The following TRAP1 variants were observed in gnomAD, a reference collection of about 807,000 sequenced individuals.
TRAP1 encodes the protein TNF receptor associated protein 1, also known as heat shock protein 75 kDa, mitochondrial.
In TRAP1, 102 loss-of-function variants were observed where a neutral mutation model predicts 89.1. The ratio of observed to expected loss-of-function variants is 1.15; its 90% CI spans 0.98 to 1.35. TRAP1 has a LOEUF of 1.35. TRAP1 is among the 40% of genes most tolerant of loss of function. The pLI is 0.00. For missense variants in TRAP1, 1,256 were observed against 945.3 expected (o/e 1.33, Z -4.31); for synonymous variants, 508 against 388.0 (o/e 1.31, Z -3.64).
At position 3,697,789 on chromosome 16, in the gene TRAP1, AT is replaced by A. The variant is rs796150055; in HGVS notation, c.89-6805del. 9.7e-3 allele frequency among the ~76,000 whole-genome samples: 1,397 copies of A among 144,024 alleles called. 14 individuals are homozygous for A. Among genetic ancestry groups the A allele is most frequent in the African/African-American group, 0.026 (1,033 of 39,578 alleles). The allele number at this position is 144,024 out of a possible 152,430, so 94.5% of individuals were successfully genotyped here. A position where few individuals can be genotyped will look rare whatever the true frequency, so the allele number is the denominator to read the frequency against. On this transcript the variant is annotated intron_variant, in intron 1 of 17. Transcript: ENST00000246957. ...GGTTTTTCCCCAATTAATATGCAGA[AT>A]TTTTTTTTTTTTTCCTCGAGAAGGT...
chr16:3,684,261 G>A (rs77388305), intron 4 of TRAP1, among the ~76,000 whole-genome samples: 3 of 152,092 alleles, frequency 2.0e-5, no homozygotes, highest in Non-Finnish European at 4.4e-5. Context: ...TTTGCCACCG[G>A]AATGATACTG....
intron 1 of TRAP1, among the ~76,000 whole-genome samples, chr16:3,693,402 AATCCCGGGAC>A (rs138503994): frequency 0.24 from 25,663 of 108,438 alleles, 2,481 homozygotes; most frequent in South Asian, 0.44. Flanking sequence ...AAAAAAAAAA[AATCCCGGGAC>A]ATTTCTTCTG....
At position 3,677,620 on chromosome 16, in the gene TRAP1, G is replaced by A; in HGVS notation, c.582C>T (p.Ser194=). The A allele has an allele frequency of 6.2e-7, 1 of 1,614,104 alleles. No homozygotes were observed. Among genetic ancestry groups the A allele is most frequent in the Middle Eastern group, 1.6e-4 (1 of 6,062 alleles). ...LDALQNQAEA[S]SKIIGQFGVG... The stretch of plus-strand genomic sequence containing the variant: ...CTCCAAACTGGCCGATGATCTTGCT[G>A]CTGGCCTCAGCCTGGTTCTGCAGAG... The change falls in exon 6 of 18, where the codon AGC becomes AGT. Residue 194 remains serine, a synonymous_variant. Coordinates refer to ENST00000246957, the MANE Select transcript of TRAP1 (RefSeq NM_016292.3).
rs536685259 is a variant in TRAP1, at chr16:3,703,573, C to G, written c.89-12588G>C. On this transcript the variant is annotated intron_variant, in intron 1 of 17. Transcript: ENST00000246957. ...AGATCTCTGCAAGGACACCCAAAAA[C>G]TGGCTAATGGACTTGCCACCAGGAG... Among the ~76,000 whole-genome samples, 9 of 152,108 alleles carry G rather than the reference C, an allele frequency of 5.9e-5. No homozygotes were observed. In the East Asian group the frequency reaches 1.4e-3, roughly 23 times the overall value.
chr16:3,714,446 G>T (rs2051571117), intron 1 of TRAP1, among the ~76,000 whole-genome samples: 1 of 152,168 alleles, frequency 6.6e-6, no homozygotes, highest in African/African-American at 2.4e-5. Context: ...GGATCATGAG[G>T]TCAGGAGTTC....
At chr16:3,665,777 G>A (rs2050817157) in intron 12 of TRAP1, among the ~76,000 whole-genome samples, 194 bp downstream of exon 12, 3 of 152,334 alleles carry the variant, frequency 2.0e-5, no homozygotes, top group South Asian at 4.1e-4. Context: ...ACTGGTGGGA[G>A]GGTAAGGATG....
intron 5 of TRAP1, chr16:3,678,575 C>T (rs184083144): frequency 2.2e-4 from 34 of 152,164 alleles, no homozygotes; most frequent in Non-Finnish European, 4.3e-4. Context: ...GTGATTCTCC[C>T]GCCTCAGCCT....
intron 1 of TRAP1, among the ~76,000 whole-genome samples, chr16:3,695,518 A>C (rs2051274260): frequency 5.3e-5 from 8 of 149,636 alleles, no homozygotes; most frequent in Admixed American, 5.3e-4. Flanking sequence ...ACTTGGCGAC[A>C]GAGTGAGACT....
intron 2 of TRAP1, 62 bp from the exon 3 acceptor site, chr16:3,689,199 C>G: frequency 7.3e-7 from 1 of 1,364,856 alleles, no homozygotes; most frequent in Non-Finnish European, 1.0e-6. Context: ...CAAGAATACG[C>G]TACGTCACAT....
At chr16:3,688,603 C>T (rs977310565) in intron 3 of TRAP1, among the ~76,000 whole-genome samples, 2 of 152,124 alleles carry the variant, frequency 1.3e-5, no homozygotes, top group African/African-American at 4.8e-5. Context: ...CCACCCCAGC[C>T]TCCTGAGTAG....
At chr16:3,665,905 C>T (rs2050820037) in intron 12 of TRAP1, 66 bp downstream of exon 12, 6 of 1,562,788 alleles carry the variant, frequency 3.8e-6, no homozygotes, top group Non-Finnish European at 5.2e-6. Flanking sequence ...GACACCTCCA[C>T]CAGCTTCCTC....
At chr16:3,691,093 A>G (rs1596733774) in intron 1 of TRAP1, 108 bp from the exon 2 acceptor site, 9 of 1,092,670 alleles carry the variant, frequency 8.2e-6, no homozygotes, top group Admixed American at 3.6e-5. Flanking sequence ...GGACATCTCT[A>G]AGTCGGGCTG....
chr16:3,676,244 C>T (rs1391669743), intron 6 of TRAP1, 99 bp from the exon 7 acceptor site: 1 of 949,356 alleles, frequency 1.1e-6, no homozygotes, highest in Non-Finnish European at 1.6e-6. Flanking sequence ...AGGCAGAGCC[C>T]AAACAACACA....
At chr16:3,716,825 G>C (rs891795952) in intron 1 of TRAP1, among the ~76,000 whole-genome samples, 7 of 152,170 alleles carry the variant, frequency 4.6e-5, no homozygotes, top group Admixed American at 1.3e-4. Context: ...ACACAGCTGC[G>C]TCAACGACAT....
chr16:3,688,556 C>G (rs78763112), intron 3 of TRAP1, among the ~76,000 whole-genome samples: 2,607 of 152,224 alleles, frequency 0.017, 82 homozygotes, highest in African/African-American at 0.059. Flanking sequence ...TCATGGCTCA[C>G]TGCAGCCCCA....
At chr16:3,708,439 C>G (rs906409054) in intron 1 of TRAP1, among the ~76,000 whole-genome samples, 1 of 151,984 alleles carries the variant, frequency 6.6e-6, no homozygotes, top group African/African-American at 2.4e-5. Context: ...GAGTTCAAGA[C>G]CAGCCTGATC....
At chr16:3,700,840 G>C (rs1386916580) in intron 1 of TRAP1, among the ~76,000 whole-genome samples, 1 of 152,038 alleles carries the variant, frequency 6.6e-6, no homozygotes, top group Non-Finnish European at 1.5e-5. Context: ...AAAAGCATTA[G>C]ATAAACCACA....
Position 3,674,451 on chromosome 16 carries a change from T to G in TRAP1, c.932A>C (p.His311Pro). The change falls in exon 9 of 18, where the codon CAT becomes CCT. Residue 311 changes from histidine to proline, a missense_variant. Coordinates refer to ENST00000246957, the MANE Select transcript of TRAP1 (RefSeq NM_016292.3). ...MDPKDVREWQ[H>P]EEFYRYVAQA... ...CGCGACGTAGCGGTAGAACTCCTCA[T>G]GTTGCCACTCACGGACATCCTTGGG... 6.2e-7 allele frequency: 1 copy of G among 1,614,058 alleles called. No individual in the cohort carries two copies. The highest frequency in any genetic ancestry group is 8.5e-7 in the Non-Finnish European group (1 of 1,180,014).
At chr16:3,670,479 T>C (rs929851408) in intron 11 of TRAP1, among the ~76,000 whole-genome samples, 20 of 147,266 alleles carry the variant, frequency 1.4e-4, no homozygotes, top group African/African-American at 5.1e-4. Flanking sequence ...GGCCAAAGGA[T>C]CGCTTGAGCC....
Sources: allele counts gnomAD v4.1 joint callset (sites outside exome capture counted in the v4.1 genomes callset), GRCh38; gene constraint gnomAD v4.1.1; transcripts MANE v1.5; gene names NCBI Gene and HGNC (gene_info 2026-07-23, HGNC 2026-07-21).